Variants in CDH18 observed in about 807,000 individuals in gnomAD.
The protein encoded by CDH18 is cadherin 18.
A neutral mutation model predicts 67.9 loss-of-function variants in CDH18; 31 were observed. The ratio of observed to expected loss-of-function variants is 0.46; its 90% CI spans 0.34 to 0.62. The LOEUF (loss-of-function observed/expected upper bound fraction) is 0.62, where lower values mean the gene tolerates loss of function less well. Ranked by LOEUF, CDH18 falls within the 20% of genes least tolerant of loss-of-function variation. CDH18 has a pLI of 0.01. For missense variants in CDH18, 890 were observed against 975.5 expected, an observed-to-expected ratio of 0.91 and a Z score of 1.17; for synonymous variants, 362 against 347.2, an observed-to-expected ratio of 1.04 and a Z score of -0.48.
At chr5:20,242,049 A>C (rs890392861) in intron 2 of CDH18, among the ~76,000 whole-genome samples, 24 of 151,686 alleles carry the variant, frequency 1.6e-4, no homozygotes, top group African/African-American at 5.6e-4. Context: ...GCAAAATTAA[A>C]AACAATAATT....
chr5:19,570,888 G>T (rs1741270524), intron 8 of CDH18, among the ~76,000 whole-genome samples: 2 of 152,090 alleles, frequency 1.3e-5, no homozygotes, highest in Non-Finnish European at 2.9e-5. Context: ...ATTATTCTTT[G>T]TTCACATATT....
chr5:20,339,052 T>A (rs931613435), intron 1 of CDH18, among the ~76,000 whole-genome samples: 2 of 152,114 alleles, frequency 1.3e-5, no homozygotes, highest in Non-Finnish European at 2.9e-5. Flanking sequence ...TCTCTCTCTC[T>A]CCACCCAAGG....
chr5:19,983,479 C>T (rs531615238), intron 1 of CDH18, among the ~76,000 whole-genome samples: 2 of 152,106 alleles, frequency 1.3e-5, no homozygotes, highest in Non-Finnish European at 2.9e-5. Context: ...TGAGTAAAAT[C>T]TTGAATAAGA....
At chr5:20,319,401 C>A (rs976962581) in intron 1 of CDH18, among the ~76,000 whole-genome samples, 4 of 152,212 alleles carry the variant, frequency 2.6e-5, no homozygotes, top group Non-Finnish European at 5.9e-5. Context: ...ACTTCTCACA[C>A]TTCAAAACTC....
intron 1 of CDH18, among the ~76,000 whole-genome samples, chr5:20,350,644 T>C (rs997683420): frequency 6.6e-6 from 1 of 152,154 alleles, no homozygotes; most frequent in African/African-American, 2.4e-5. Context: ...CTGTGTTTCA[T>C]GACTTTTATG....
At chr5:19,812,679 T>A (rs1778863064) in intron 3 of CDH18, among the ~76,000 whole-genome samples, 1 of 152,112 alleles carries the variant, frequency 6.6e-6, no homozygotes, top group Non-Finnish European at 1.5e-5. Context: ...TGGGTCCAAA[T>A]GCATTAAAAA....
At chr5:19,954,455 T>C (rs1291968716) in intron 2 of CDH18, among the ~76,000 whole-genome samples, 1 of 152,022 alleles carries the variant, frequency 6.6e-6, no homozygotes, top group Admixed American at 6.6e-5. Flanking sequence ...GAAATTCCTA[T>C]TGAGTGCTAC....
intron 3 of CDH18, among the ~76,000 whole-genome samples, chr5:19,824,751 C>T (rs548888654): frequency 1.9e-4 from 29 of 152,256 alleles, no homozygotes; most frequent in African/African-American, 5.8e-4. Context: ...ACACAACCTT[C>T]TGTTGTCTTG....
chr5:19,910,646 A>G (rs1791029744), intron 2 of CDH18, among the ~76,000 whole-genome samples: 1 of 152,150 alleles, frequency 6.6e-6, no homozygotes, highest in Non-Finnish European at 1.5e-5. Flanking sequence ...TCATTGTAGC[A>G]CAAACATCAA....
intron 2 of CDH18, among the ~76,000 whole-genome samples, chr5:20,203,086 C>G (rs924922163): frequency 1.3e-5 from 2 of 152,052 alleles, no homozygotes; most frequent in Non-Finnish European, 1.5e-5. Flanking sequence ...TGATGGTGCT[C>G]TCCCCAATCC....
At chr5:20,398,537 G>A (rs1289491439) in intron 1 of CDH18, among the ~76,000 whole-genome samples, 1 of 152,112 alleles carries the variant, frequency 6.6e-6, no homozygotes, top group Non-Finnish European at 1.5e-5. Context: ...AAGCATGGAA[G>A]CTGGCATCAA....
At chr5:19,661,935 CAA>C (rs1561563363) in intron 5 of CDH18, among the ~76,000 whole-genome samples, 5 of 151,990 alleles carry the variant, frequency 3.3e-5, no homozygotes, top group African/African-American at 7.2e-5. Context: ...GGGGAAGATA[CAA>C]TAAGTCAGCC....
chr5:19,541,728 C>T (rs1254295660), intron 9 of CDH18, among the ~76,000 whole-genome samples: 1 of 152,108 alleles, frequency 6.6e-6, no homozygotes, highest in Non-Finnish European at 1.5e-5. Flanking sequence ...ATGGGAAAGA[C>T]CCGGCCTCAT....
chr5:20,366,384 C>G (rs867230038), intron 1 of CDH18, among the ~76,000 whole-genome samples: 35 of 152,152 alleles, frequency 2.3e-4, no homozygotes, highest in African/African-American at 8.0e-4. Flanking sequence ...TTTTCCTGTT[C>G]CAATGACATG....
At chr5:19,629,026 T>G (rs919470537) in intron 5 of CDH18, among the ~76,000 whole-genome samples, 1 of 152,126 alleles carries the variant, frequency 6.6e-6, no homozygotes, top group Non-Finnish European at 1.5e-5. Flanking sequence ...AAGTAAAGTA[T>G]GATATGGCCT....
intron 1 of CDH18, among the ~76,000 whole-genome samples, chr5:20,479,300 G>T (rs1038981819): frequency 2.6e-5 from 4 of 152,106 alleles, no homozygotes; most frequent in African/African-American, 9.7e-5. Context: ...ATTCCAGAGT[G>T]ACAGAGATAT....
Position 19,822,921 on chromosome 5 carries a change from A to G in CDH18, c.228+15838T>C, listed in dbSNP as rs7733402. 7.1e-3 allele frequency among the ~76,000 whole-genome samples: 1,088 copies of G among 152,262 alleles called. 12 individuals are homozygous for G. Among genetic ancestry groups the G allele is most frequent in the African/African-American group, 0.025 (1,053 of 41,548 alleles). ...GGGCTTATTTCATCCCTACAGCTCG[A>G]CCATAAAAGACAGCCACACCCAAGG... On this transcript the variant is annotated intron_variant, in intron 3 of 12. Coordinates refer to ENST00000382275, the MANE Select transcript of CDH18 (RefSeq NM_004934.5).
At chr5:19,763,077 A>G (rs1772580364) in intron 3 of CDH18, among the ~76,000 whole-genome samples, 1 of 152,152 alleles carries the variant, frequency 6.6e-6, no homozygotes, top group Non-Finnish European at 1.5e-5. Flanking sequence ...GGCAGGGAAT[A>G]TCACACACCA....
chr5:20,561,105 T>C (rs1758183641), intron 1 of CDH18, among the ~76,000 whole-genome samples: 1 of 152,112 alleles, frequency 6.6e-6, no homozygotes, highest in African/African-American at 2.4e-5. Context: ...TTTGACAATA[T>C]TGAATGCTGG....
Sources: allele counts gnomAD v4.1 joint callset (sites outside exome capture counted in the v4.1 genomes callset), GRCh38; gene constraint gnomAD v4.1.1; transcripts MANE v1.5; gene names NCBI Gene and HGNC (gene_info 2026-07-23, HGNC 2026-07-21).